Variants in NUP210 observed in about 807,000 individuals in gnomAD.
NUP210 encodes the protein nuclear pore membrane glycoprotein 210.
Under a neutral mutation model 196.0 loss-of-function variants are expected in NUP210, and 151 were observed. That is an observed-to-expected ratio of 0.77 (90% CI 0.67 to 0.88). The LOEUF is 0.88. NUP210 is among the 40% of genes least tolerant of loss of function. The pLI is 0.00. For missense variants in NUP210, 2,314 were observed against 2,493.7 expected, an observed-to-expected ratio of 0.93 and a Z score of 1.53; for synonymous variants, 1,070 against 1,052.7, an observed-to-expected ratio of 1.02 and a Z score of -0.32.
At chr3:13,394,271 T>C (rs1014431547) in intron 3 of NUP210, among the ~76,000 whole-genome samples, 1 of 152,228 alleles carries the variant, frequency 6.6e-6, no homozygotes, top group Non-Finnish European at 1.5e-5. Context: ...TTGGATACCC[T>C]GAGCTAGTCC....
rs1019988200 is a variant in NUP210, at chr3:13,348,704, A to T, written c.2835+3175T>A. 1 of 985,276 alleles carries T rather than the reference A, an allele frequency of 1.0e-6. No individual in the cohort carries two copies. Among genetic ancestry groups the T allele is most frequent in the Non-Finnish European group, 1.2e-6 (1 of 829,932 alleles). The allele number at this position is 985,276 out of a possible 1,614,324, so 61.0% of individuals were successfully genotyped here. A position where few individuals can be genotyped will look rare whatever the true frequency, so the allele number is the denominator to read the frequency against. On this transcript the variant is annotated intron_variant, in intron 20 of 39. Transcript: ENST00000254508. This position sits in a 1 kb window ranked among gnomAD's most constrained non-coding sequence, Gnocchi z 4.0. Reference sequence around the variant, plus strand: ...CCTCCAGTGTCCTCCAACCACAAGCATGTCCCCAGCTGCTGAGGGCGTCCT... The same window carrying T: ...CCTCCAGTGTCCTCCAACCACAAGCTTGTCCCCAGCTGCTGAGGGCGTCCT...
At chr3:13,409,839 AAT>A (rs1559350503) in intron 1 of NUP210, among the ~76,000 whole-genome samples, 1 of 123,084 alleles carries the variant, frequency 8.1e-6, no homozygotes, top group Non-Finnish European at 1.9e-5. Context: ...CCTGAATACT[AAT>A]TTTTTTTTTT....
intron 28 of NUP210, 52 bp from the exon 29 acceptor site, chr3:13,332,436 G>C (rs1697035011): frequency 1.4e-6 from 2 of 1,382,720 alleles, no homozygotes; most frequent in South Asian, 1.2e-5. Flanking sequence ...GTCACATTCA[G>C]GCCAGATGTC....
chr3:13,333,623 C>G (rs1697089412), intron 28 of NUP210, among the ~76,000 whole-genome samples: 1 of 152,200 alleles, frequency 6.6e-6, no homozygotes, highest in Non-Finnish European at 1.5e-5. Context: ...GGAGGAACAA[C>G]ACTTCCCAAA....
At chr3:13,402,619 T>C (rs1202070815) in intron 1 of NUP210, among the ~76,000 whole-genome samples, 1 of 152,106 alleles carries the variant, frequency 6.6e-6, no homozygotes, top group Non-Finnish European at 1.5e-5. Flanking sequence ...TTCATGTCCA[T>C]GTAGCAGGGC....
Position 13,353,899 on chromosome 3 carries a change from C to A in NUP210, c.2521+16G>T. The A allele has an allele frequency of 6.3e-7, 1 of 1,598,712 alleles. No homozygotes were observed. Among genetic ancestry groups the A allele is most frequent in the Admixed American group, 1.7e-5 (1 of 58,912 alleles). On this transcript the variant is annotated intron_variant, in intron 17 of 39. Coordinates refer to ENST00000254508, the MANE Select transcript of NUP210 (RefSeq NM_024923.4). ...CTGTTCTCCTGCCTGGGCCATCAGG[C>A]TTGTGCCCAGCTCACCGTGCAGCTT...
chr3:13,386,674 C>T (rs1699289328), intron 5 of NUP210, among the ~76,000 whole-genome samples: 1 of 152,062 alleles, frequency 6.6e-6, no homozygotes, highest in African/African-American at 2.4e-5. Context: ...TATGTGAAAC[C>T]ATGATTAAAC....
chr3:13,318,100 A>G (rs1696347765), intron 39 of NUP210, among the ~76,000 whole-genome samples: 1 of 152,250 alleles, frequency 6.6e-6, no homozygotes, highest in South Asian at 2.1e-4. Context: ...AATGCAATGC[A>G]GCCTCGGGCA....
At chr3:13,337,026 C>G in intron 26 of NUP210, 108 bp from the exon 27 acceptor site, 1 of 1,365,334 alleles carries the variant, frequency 7.3e-7, no homozygotes, top group South Asian at 1.2e-5. Flanking sequence ...CAATTCCTCC[C>G]CAACTAGAGA....
At position 13,406,493 on chromosome 3, in the gene NUP210, A is replaced by G. The variant is rs142828591; in HGVS notation, c.168-6632T>C. 3.8e-4 allele frequency among the ~76,000 whole-genome samples: 58 copies of G among 152,324 alleles called. No individual in the cohort carries two copies. The East Asian group carries it at 0.01, about 26-fold the overall frequency. On this transcript the variant is annotated intron_variant, in intron 1 of 39. Transcript: ENST00000254508. ...CATACTCAAAACCGGGTCTGGAGAC[A>G]CAGCACTCAAGGACACACAGGGGCT...
chr3:13,326,021 C>A, intron 32 of NUP210, 90 bp from the exon 33 acceptor site: 1 of 1,494,294 alleles, frequency 6.7e-7, no homozygotes, highest in Admixed American at 1.7e-5. Context: ...CCAGCTTCCT[C>A]GCTGGCTGCC....
intron 13 of NUP210, among the ~76,000 whole-genome samples, chr3:13,368,797 T>G (rs2124905815): frequency 6.6e-6 from 1 of 152,358 alleles, no homozygotes; most frequent in Admixed American, 6.5e-5. Context: ...TTCCACTGTA[T>G]GGATAGACCT....
chr3:13,417,469 G>A (rs1177081452), intron 1 of NUP210, among the ~76,000 whole-genome samples: 6 of 152,040 alleles, frequency 3.9e-5, no homozygotes, highest in Admixed American at 2.0e-4. Context: ...TTTCTTTTTC[G>A]TCTGAGAGAC....
Position 13,350,195 on chromosome 3 carries a change from T to G in NUP210, c.2835+1684A>C, listed in dbSNP as rs576028441. Among the ~76,000 whole-genome samples the G allele has an allele frequency of 7.6e-6, 1 of 131,400 alleles. No homozygotes were observed. Among genetic ancestry groups the G allele is most frequent in the African/African-American group, 3.6e-5 (1 of 28,126 alleles). The allele number at this position is 131,400 out of a possible 152,430, so 86.2% of individuals were successfully genotyped here. A position where few individuals can be genotyped will look rare whatever the true frequency, so the allele number is the denominator to read the frequency against. On this transcript the variant is annotated intron_variant, in intron 20 of 39. Transcript: ENST00000254508. The surrounding 1 kb of genome is among the most constrained non-coding windows in gnomAD (Gnocchi z 4.1). ...AAAAGTGTGTGTGTGTGGGTGCGTG[T>G]GTGTTCAGCAAAATAACACAGCCTG...
At chr3:13,391,138 G>T in intron 4 of NUP210, 73 bp downstream of exon 4, 2 of 1,033,400 alleles carry the variant, frequency 1.9e-6, no homozygotes, top group South Asian at 1.3e-5. Context: ...GCCCCCCGCT[G>T]GTGAGGAGCT....
At chr3:13,399,074 C>T (rs1699753676) in intron 2 of NUP210, among the ~76,000 whole-genome samples, 1 of 152,094 alleles carries the variant, frequency 6.6e-6, no homozygotes, top group Admixed American at 6.6e-5. Context: ...CGAGACCAGC[C>T]TGGCCAACTT....
At chr3:13,342,292 A>C (rs1469631424) in intron 21 of NUP210, among the ~76,000 whole-genome samples, 169 bp from the exon 22 acceptor site, 2 of 152,110 alleles carry the variant, frequency 1.3e-5, no homozygotes, top group Non-Finnish European at 2.9e-5. Flanking sequence ...AGCAAATGAA[A>C]ATCGATGAGG....
chr3:13,411,369 A>C (rs1053727159), intron 1 of NUP210, among the ~76,000 whole-genome samples: 1 of 152,244 alleles, frequency 6.6e-6, no homozygotes, highest in Non-Finnish European at 1.5e-5. Flanking sequence ...CTGGTTTTGG[A>C]CACAGCTCTG....
At position 13,386,282 on chromosome 3, in the gene NUP210, T is replaced by A. The variant is rs765649571; in HGVS notation, c.810A>T (p.Lys270Asn). 7 of 1,612,904 alleles carry A rather than the reference T, an allele frequency of 4.3e-6. No homozygotes were observed. The East Asian group carries it at 1.3e-4, about 31-fold the overall frequency. The part of the protein sequence containing the change: ...HYKVQKIRQG[K>N]ITELSMPSDQ... Reference sequence around the variant, plus strand: ...GCAGAGCCAATGACACACCTGTAATTTTCCCTTGCCTGATCTTCTGCACCT... The same window carrying A: ...GCAGAGCCAATGACACACCTGTAATATTCCCTTGCCTGATCTTCTGCACCT... The change falls in exon 6 of 40, where the codon AAA becomes AAT. Residue 270 changes from lysine to asparagine, a missense_variant. Coordinates refer to ENST00000254508, the MANE Select transcript of NUP210 (RefSeq NM_024923.4).
Sources: allele counts gnomAD v4.1 joint callset (sites outside exome capture counted in the v4.1 genomes callset), GRCh38; gene constraint gnomAD v4.1.1; non-coding constraint Gnocchi (gnomAD v3.1); transcripts MANE v1.5; gene names NCBI Gene and HGNC (gene_info 2026-07-23, HGNC 2026-07-21).